The following ESRRG variants were observed in gnomAD, a reference collection of about 807,000 sequenced individuals.
ESRRG encodes estrogen related receptor gamma, also known as estrogen-related receptor gamma.
Under a neutral mutation model 44.0 loss-of-function variants are expected in ESRRG, and 13 were observed. The ratio of observed to expected loss-of-function variants is 0.30; its 90% CI spans 0.19 to 0.47. The LOEUF is 0.47. Ranked by LOEUF, ESRRG falls within the 20% of genes least tolerant of loss-of-function variation. The pLI, the probability that ESRRG is intolerant of heterozygous loss-of-function variation, is 1.00. For missense variants in ESRRG, 395 were observed against 580.6 expected, an observed-to-expected ratio of 0.68 and a Z score of 3.29; for synonymous variants, 215 against 214.6, an observed-to-expected ratio of 1.00 and a Z score of -0.02.
rs559029499 is a variant in ESRRG at position 216,762,871 on chromosome 1, C to A, written c.-13-85380G>T. 2.2e-3 allele frequency among the ~76,000 whole-genome samples: 341 copies of A among 152,040 alleles called. 2 individuals are homozygous for A. Among genetic ancestry groups the A allele is most frequent in the African/African-American group, 8.0e-3 (330 of 41,492 alleles). On this transcript the variant is annotated intron_variant, in intron 2 of 7. Transcript: ENST00000359162. ...GAATACCAATATAAGTGTAGAAGTA[C>A]CTTACACAAACAAATCCCTGGATTA... is the stretch of plus-strand genomic sequence containing the variant.
chr1:216,803,469 C>T (rs1180264189), intron 2 of ESRRG, among the ~76,000 whole-genome samples: 1 of 152,116 alleles, frequency 6.6e-6, no homozygotes, highest in Non-Finnish European at 1.5e-5. Context: ...TTCCCACTTA[C>T]AGATGAGAAT....
chr1:216,665,683 A>C (rs1163442105), intron 2 of ESRRG, among the ~76,000 whole-genome samples: 1 of 152,178 alleles, frequency 6.6e-6, no homozygotes, highest in Non-Finnish European at 1.5e-5. Flanking sequence ...TTAAGATGGT[A>C]AATTTTATGT....
chr1:216,855,110 C>A (rs538891345), intron 2 of ESRRG: 1 of 152,228 alleles, frequency 6.6e-6, no homozygotes, highest in South Asian at 2.1e-4. Flanking sequence ...GAATTTTTCC[C>A]ATATATATTT....
intron 1 of ESRRG, among the ~76,000 whole-genome samples, chr1:216,996,385 T>G (rs1012868710): frequency 6.0e-5 from 9 of 150,196 alleles, no homozygotes; most frequent in Admixed American, 1.3e-4. Context: ...GGTAAGGGGA[T>G]GAGAGGAGGA....
At chr1:216,563,776 G>A (rs879590019) in intron 5 of ESRRG, among the ~76,000 whole-genome samples, 2 of 152,190 alleles carry the variant, frequency 1.3e-5, no homozygotes, top group Non-Finnish European at 2.9e-5. Flanking sequence ...AGCAAAGCTT[G>A]TGAATATGAC....
intron 3 of ESRRG, among the ~76,000 whole-genome samples, chr1:216,640,905 C>T (rs1323218217): frequency 1.3e-5 from 2 of 152,108 alleles, no homozygotes; most frequent in Non-Finnish European, 2.9e-5. Context: ...TCTGGCCACC[C>T]CTCACCACTT....
At chr1:216,965,387 C>T (rs760722185) in intron 1 of ESRRG, among the ~76,000 whole-genome samples, 3 of 152,142 alleles carry the variant, frequency 2.0e-5, no homozygotes, top group African/African-American at 7.2e-5. Context: ...CTATTAATTA[C>T]CAACTTATTG....
intron 2 of ESRRG, among the ~76,000 whole-genome samples, chr1:216,799,761 C>T (rs1026032604): frequency 6.6e-6 from 1 of 152,120 alleles, no homozygotes; most frequent in African/African-American, 2.4e-5. Context: ...CAATCCCAGG[C>T]ACATCATACA....
At chr1:216,935,577 A>G (rs978493279) in intron 2 of ESRRG, among the ~76,000 whole-genome samples, 4 of 152,008 alleles carry the variant, frequency 2.6e-5, no homozygotes, top group South Asian at 4.2e-4. Context: ...TCAGCAATCC[A>G]GAAGCTCTCT....
At chr1:216,571,200 T>C (rs2060719588) in intron 3 of ESRRG, among the ~76,000 whole-genome samples, 2 of 152,150 alleles carry the variant, frequency 1.3e-5, no homozygotes, top group African/African-American at 4.8e-5. Context: ...TATTATGGAT[T>C]ATTAGGCTGA....
intron 1 of ESRRG, among the ~76,000 whole-genome samples, chr1:216,980,766 T>C (rs567591396): frequency 1.3e-5 from 2 of 152,306 alleles, no homozygotes; most frequent in Admixed American, 6.5e-5. Flanking sequence ...TGGCATACAA[T>C]GTCCATTACA....
At chr1:216,544,882 A>G (rs1352173842) in intron 5 of ESRRG, among the ~76,000 whole-genome samples, 3 of 152,026 alleles carry the variant, frequency 2.0e-5, no homozygotes, top group Non-Finnish European at 2.9e-5. Flanking sequence ...ATTTCTGCAT[A>G]AAACTATGGT....
intron 2 of ESRRG, among the ~76,000 whole-genome samples, chr1:216,856,352 A>AACACACACACACAC (rs5780935): frequency 0.012 from 1,765 of 141,948 alleles, 23 homozygotes; most frequent in Middle Eastern, 0.025. Flanking sequence ...TTCTCTCTTC[A>AACACACACACACAC]ACACACACAC....
intron 2 of ESRRG, among the ~76,000 whole-genome samples, chr1:216,930,821 A>G (rs1017901258): frequency 6.6e-6 from 1 of 152,202 alleles, no homozygotes; most frequent in African/African-American, 2.4e-5. Flanking sequence ...TAGCTTGTCA[A>G]AGAGTAATGG....
At chr1:216,742,074 T>G (rs1026946957) in intron 2 of ESRRG, among the ~76,000 whole-genome samples, 1 of 152,192 alleles carries the variant, frequency 6.6e-6, no homozygotes, top group South Asian at 2.1e-4. Context: ...ATTCATAACC[T>G]GACCCAAACC....
intron 5 of ESRRG, among the ~76,000 whole-genome samples, chr1:216,559,085 A>C (rs990888446): frequency 1.3e-5 from 2 of 151,986 alleles, no homozygotes; most frequent in Admixed American, 1.3e-4. Flanking sequence ...GGCCAGCCTG[A>C]TCTTGAACTC....
chr1:217,098,023 C>T (rs1448069999), intron 1 of ESRRG, among the ~76,000 whole-genome samples: 1 of 152,126 alleles, frequency 6.6e-6, no homozygotes, highest in Non-Finnish European at 1.5e-5. Context: ...TTACAATCCC[C>T]AAGTGATTCT....
At chr1:216,677,719 A>G (rs566265972) in intron 1 of ESRRG, among the ~76,000 whole-genome samples, 52 of 152,208 alleles carry the variant, frequency 3.4e-4, no homozygotes, top group Non-Finnish European at 1.3e-4. Context: ...TTCTTGTTCT[A>G]CAAGAAGGTA....
At chr1:216,923,828 G>A (rs575911231) in intron 2 of ESRRG, among the ~76,000 whole-genome samples, 61 of 152,240 alleles carry the variant, frequency 4.0e-4, no homozygotes, top group South Asian at 1.0e-3. Flanking sequence ...TTGGATTTTC[G>A]GGTTCAGTGT....
Sources: gnomAD v4.1 joint callset for allele counts (sites outside exome capture counted in the v4.1 genomes callset) on GRCh38, gnomAD v4.1.1 for gene constraint, MANE v1.5 for transcripts, NCBI Gene and HGNC (gene_info 2026-07-23, HGNC 2026-07-21) for gene names.